Variants in CDH13 observed in about 807,000 individuals in gnomAD.
The protein encoded by CDH13 is cadherin 13, also known as cadherin-13.
CDH13 carries 24 observed loss-of-function variants against 63.8 expected under a neutral mutation model. That is an observed-to-expected ratio of 0.38 (90% CI 0.27 to 0.53). The LOEUF is 0.53. Among genes scored for constraint, CDH13 ranks in the 20% least tolerant of loss-of-function variants. The pLI is 0.85. For synonymous variants in CDH13, 503 were observed against 355.3 expected, an observed-to-expected ratio of 1.42 and a Z score of -4.67; for missense variants, 1,049 against 903.1, an observed-to-expected ratio of 1.16 and a Z score of -2.07.
chr16:82,830,792 T>C lies in CDH13; in HGVS notation c.46-27570T>C, dbSNP rs1326889317. 3.3e-5 allele frequency among the ~76,000 whole-genome samples: 5 copies of C among 152,338 alleles called. No individual in the cohort carries two copies. In the East Asian group the frequency reaches 9.6e-4, roughly 29 times the overall value. The stretch of plus-strand genomic sequence containing the variant: ...AGTAAAAATAGTCTTACATGCATAT[T>C]ACCATGACCGTGAAAATAATCCCAC... On this transcript the variant is annotated intron_variant, in intron 1 of 13. Coordinates refer to ENST00000567109, the MANE Select transcript of CDH13 (RefSeq NM_001257.5).
chr16:83,240,577 A>G (rs551971474), intron 5 of CDH13, among the ~76,000 whole-genome samples: 2 of 152,026 alleles, frequency 1.3e-5, no homozygotes, highest in African/African-American at 4.8e-5. Context: ...AAGAGGCATC[A>G]GAATTTGCTA....
intron 2 of CDH13, among the ~76,000 whole-genome samples, chr16:82,927,655 G>A (rs748607841): frequency 4.6e-5 from 7 of 152,048 alleles, no homozygotes; most frequent in African/African-American, 1.2e-4. Context: ...CCCATAGAAC[G>A]CCATGTTTCC....
At chr16:83,771,803 C>T (rs528417294) in intron 11 of CDH13, among the ~76,000 whole-genome samples, 74 of 152,310 alleles carry the variant, frequency 4.9e-4, no homozygotes, top group Non-Finnish European at 9.1e-4. Context: ...TTCCAGATAT[C>T]TGTGCCTACA....
intron 7 of CDH13, among the ~76,000 whole-genome samples, chr16:83,538,953 C>T (rs529183562): frequency 6.6e-6 from 1 of 152,288 alleles, no homozygotes; most frequent in African/African-American, 2.4e-5. Flanking sequence ...AGGGCACACA[C>T]TTGAACCCAT....
chr16:83,426,907 CTTTTTTTTTTTTTT>C (rs71148833), intron 6 of CDH13, among the ~76,000 whole-genome samples: 1,115 of 63,248 alleles, frequency 0.018, 29 homozygotes, highest in African/African-American at 0.073. Context: ...ATGTTTCTTT[CTTTTTTTTTTTTTT>C]TTTTTTTTTT....
intron 7 of CDH13, among the ~76,000 whole-genome samples, chr16:83,510,685 C>T (rs2074536168): frequency 1.3e-5 from 2 of 152,154 alleles, no homozygotes; most frequent in Admixed American, 6.5e-5. Flanking sequence ...TCCAGTGTAC[C>T]ACGAGGTCCT....
At chr16:83,557,859 C>T (rs2075633650) in intron 7 of CDH13, among the ~76,000 whole-genome samples, 1 of 152,030 alleles carries the variant, frequency 6.6e-6, no homozygotes, top group African/African-American at 2.4e-5. Flanking sequence ...GCACATGCTT[C>T]GATCATTTTG....
chr16:83,499,895 C>T (rs528351035), intron 7 of CDH13, among the ~76,000 whole-genome samples: 7 of 152,274 alleles, frequency 4.6e-5, no homozygotes, highest in Non-Finnish European at 8.8e-5. Flanking sequence ...CTCCACCTCC[C>T]GGGTTCAAGC....
intron 1 of CDH13, among the ~76,000 whole-genome samples, chr16:82,764,671 C>T (rs375291558): frequency 2.0e-5 from 3 of 152,106 alleles, no homozygotes; most frequent in South Asian, 2.1e-4. Context: ...ATGAAGGACA[C>T]GAATAAATGT....
At chr16:83,050,170 C>G (rs1017063818) in intron 3 of CDH13, among the ~76,000 whole-genome samples, 1 of 152,106 alleles carries the variant, frequency 6.6e-6, no homozygotes, top group Non-Finnish European at 1.5e-5. Flanking sequence ...ACCACAGCAG[C>G]CAGACCCGGG....
At chr16:83,484,041 C>G (rs748875393) in intron 6 of CDH13, among the ~76,000 whole-genome samples, 1 of 152,182 alleles carries the variant, frequency 6.6e-6, no homozygotes, top group Non-Finnish European at 1.5e-5. Flanking sequence ...GGAAGTGCAC[C>G]TTGAAGCATG....
intron 5 of CDH13, among the ~76,000 whole-genome samples, chr16:83,276,221 C>A (rs1233755436): frequency 6.6e-6 from 1 of 152,116 alleles, no homozygotes; most frequent in Non-Finnish European, 1.5e-5. Flanking sequence ...TGATATATTT[C>A]ATTTATCAAG....
At chr16:82,975,677 G>T (rs1252127023) in intron 2 of CDH13, among the ~76,000 whole-genome samples, 2 of 152,124 alleles carry the variant, frequency 1.3e-5, no homozygotes, top group Non-Finnish European at 2.9e-5. Context: ...AAGAAAATTG[G>T]ATTTTTCTTG....
At chr16:83,155,362 G>T (rs2037166327) in intron 4 of CDH13, among the ~76,000 whole-genome samples, 1 of 152,286 alleles carries the variant, frequency 6.6e-6, no homozygotes, top group Non-Finnish European at 1.5e-5. Flanking sequence ...GTCTGGACCT[G>T]TGCCTTTAGA....
At chr16:83,007,230 T>C (rs1913621600) in intron 2 of CDH13, among the ~76,000 whole-genome samples, 1 of 152,214 alleles carries the variant, frequency 6.6e-6, no homozygotes, top group Admixed American at 6.5e-5. Context: ...CATGATGACT[T>C]AAATTCTAAT....
chr16:82,653,155 C>T (rs981745752), intron 1 of CDH13, among the ~76,000 whole-genome samples: 9 of 152,016 alleles, frequency 5.9e-5, no homozygotes, highest in African/African-American at 9.7e-5. Flanking sequence ...ACTTATTGAA[C>T]GGTTTTTCCA....
At chr16:82,860,075 T>C (rs1324197054) in intron 2 of CDH13, among the ~76,000 whole-genome samples, 1 of 152,176 alleles carries the variant, frequency 6.6e-6, no homozygotes, top group African/African-American at 2.4e-5. Flanking sequence ...CAGAACTTGA[T>C]TTGTGAGAAC....
intron 4 of CDH13, among the ~76,000 whole-genome samples, chr16:83,157,738 TAAAA>T (rs58336254): frequency 0.039 from 3,917 of 99,438 alleles, 63 homozygotes; most frequent in East Asian, 0.15. Context: ...ACTAGAAATA[TAAAA>T]AAAAAAAAAA....
chr16:83,176,417 G>A (rs1479493966), intron 4 of CDH13, among the ~76,000 whole-genome samples: 2 of 149,936 alleles, frequency 1.3e-5, no homozygotes, highest in African/African-American at 4.9e-5. Flanking sequence ...GGCTGAGGCA[G>A]GAGAATTGCT....
Sources: gnomAD v4.1 joint callset for allele counts (sites outside exome capture counted in the v4.1 genomes callset) on GRCh38, gnomAD v4.1.1 for gene constraint, MANE v1.5 for transcripts, NCBI Gene and HGNC (gene_info 2026-07-23, HGNC 2026-07-21) for gene names.